The following NBEA variants were observed in gnomAD, a reference collection of about 807,000 sequenced individuals.
The protein encoded by NBEA is lysosomal-trafficking regulator 2.
A neutral mutation model predicts 343.4 loss-of-function variants in NBEA; 44 were observed. That is an observed-to-expected ratio of 0.13 (90% CI 0.10 to 0.16). NBEA has a LOEUF of 0.16. Ranked by LOEUF, NBEA falls within the 10% of genes least tolerant of loss-of-function variation. The pLI is 1.00. For missense variants in NBEA, 2,555 were observed against 3,631.3 expected (o/e 0.70, Z 7.62); for synonymous variants, 1,175 against 1,238.7 (o/e 0.95, Z 1.08).
chr13:34,944,358 A>G (rs1196131143), intron 1 of NBEA, among the ~76,000 whole-genome samples: 1 of 152,268 alleles, frequency 6.6e-6, no homozygotes, highest in Non-Finnish European at 1.5e-5. Context: ...TGAGACATGC[A>G]TTAGATAATG....
intron 13 of NBEA, among the ~76,000 whole-genome samples, chr13:35,115,333 T>TA (rs2066441030): frequency 1.3e-5 from 2 of 152,064 alleles, no homozygotes; most frequent in Admixed American, 1.3e-4. Flanking sequence ...AAACAAGTTA[T>TA]AATTATAAAT....
At chr13:35,442,893 T>G (rs995743531) in intron 39 of NBEA, among the ~76,000 whole-genome samples, 1 of 152,102 alleles carries the variant, frequency 6.6e-6, no homozygotes, top group Non-Finnish European at 1.5e-5. Context: ...GTTCACATAA[T>G]CAGAGTATAT....
intron 10 of NBEA, among the ~76,000 whole-genome samples, chr13:35,077,387 G>C (rs2064166622): frequency 6.6e-6 from 1 of 151,964 alleles, no homozygotes; most frequent in Admixed American, 6.6e-5. Context: ...TATTGCTTTT[G>C]ATTTTCTAAT....
intron 41 of NBEA, among the ~76,000 whole-genome samples, chr13:35,478,546 C>G (rs1566195184): frequency 6.6e-6 from 1 of 152,254 alleles, no homozygotes; most frequent in African/African-American, 2.4e-5. Context: ...TCCGCATTCC[C>G]GTGCCCTCTT....
rs566511824 is a variant in NBEA at position 35,275,394 on chromosome 13, A to G, written c.5777-14995A>G. On this transcript the variant is annotated intron_variant, in intron 34 of 58. Transcript: ENST00000379939. ...CTTAAAATGTAAGACCTAACACCAT[A>G]AAAACCCTGGAAGAAAACATAGGCA... 1.6e-3 allele frequency among the ~76,000 whole-genome samples: 249 copies of G among 152,340 alleles called. 1 individual carries two copies. Among genetic ancestry groups the G allele is most frequent in the African/African-American group, 5.8e-3 (241 of 41,576 alleles).
intron 38 of NBEA, among the ~76,000 whole-genome samples, chr13:35,372,464 C>T (rs1404929102): frequency 1.3e-5 from 2 of 152,150 alleles, no homozygotes; most frequent in Admixed American, 6.5e-5. Flanking sequence ...AGATCCAGGC[C>T]AGCAGGACCT....
chr13:35,355,294 A>G (rs2040429773), intron 38 of NBEA, among the ~76,000 whole-genome samples: 1 of 152,144 alleles, frequency 6.6e-6, no homozygotes, highest in African/African-American at 2.4e-5. Context: ...CCTAAAGTCC[A>G]TTCTCAGCGC....
intron 38 of NBEA, among the ~76,000 whole-genome samples, chr13:35,409,820 A>G (rs909598540): frequency 1.3e-5 from 2 of 152,166 alleles, no homozygotes; most frequent in African/African-American, 4.8e-5. Flanking sequence ...TCAGTAAAAG[A>G]AACACATACT....
At chr13:35,282,327 A>G (rs73489561) in intron 34 of NBEA, among the ~76,000 whole-genome samples, 10,275 of 152,210 alleles carry the variant, frequency 0.068, 747 homozygotes, top group East Asian at 0.17. Flanking sequence ...GATTATTAAT[A>G]TTTCTTGAAA....
intron 31 of NBEA, among the ~76,000 whole-genome samples, chr13:35,204,982 T>C (rs1331211830): frequency 6.6e-6 from 1 of 152,166 alleles, no homozygotes; most frequent in Non-Finnish European, 1.5e-5. Context: ...AAATTTTTAC[T>C]CTCATATATG....
chr13:35,389,409 C>T (rs891275709), intron 38 of NBEA, among the ~76,000 whole-genome samples: 2 of 152,086 alleles, frequency 1.3e-5, no homozygotes, highest in African/African-American at 4.8e-5. Context: ...CATGTCTAAT[C>T]AAATCCTTTA....
At chr13:35,614,865 C>G (rs547773229) in intron 48 of NBEA, among the ~76,000 whole-genome samples, 14 of 152,168 alleles carry the variant, frequency 9.2e-5, no homozygotes, top group African/African-American at 3.1e-4. Flanking sequence ...TAATCTTAGC[C>G]ACCTTACCCC....
At chr13:35,574,057 C>A (rs2080586252) in intron 45 of NBEA, among the ~76,000 whole-genome samples, 1 of 152,122 alleles carries the variant, frequency 6.6e-6, no homozygotes, top group Admixed American at 6.5e-5. Context: ...AAAGTATTTA[C>A]TTTTCACTAA....
intron 44 of NBEA, among the ~76,000 whole-genome samples, chr13:35,565,585 A>G (rs1259628640): frequency 9.9e-5 from 15 of 152,202 alleles, no homozygotes; most frequent in Non-Finnish European, 1.5e-5. Flanking sequence ...TTTTAATGGA[A>G]ATTTAGAAAA....
At chr13:35,496,967 A>G (rs1184442652) in intron 41 of NBEA, among the ~76,000 whole-genome samples, 6 of 152,192 alleles carry the variant, frequency 3.9e-5, no homozygotes, top group South Asian at 2.1e-4. Context: ...AACTTTATCA[A>G]ATCTAAAGAA....
chr13:35,373,240 T>C (rs576087786), intron 38 of NBEA, among the ~76,000 whole-genome samples: 4 of 152,268 alleles, frequency 2.6e-5, no homozygotes, highest in Admixed American at 1.3e-4. Flanking sequence ...TTAGATGATC[T>C]GTTGGAAGTG....
At chr13:35,144,641 T>C (rs543608839) in intron 18 of NBEA, among the ~76,000 whole-genome samples, 2 of 152,274 alleles carry the variant, frequency 1.3e-5, no homozygotes, top group Non-Finnish European at 1.5e-5. Flanking sequence ...GAGATGTCCA[T>C]CTCTTATTCT....
At chr13:35,423,467 C>A (rs904268481) in intron 38 of NBEA, among the ~76,000 whole-genome samples, 2 of 151,974 alleles carry the variant, frequency 1.3e-5, no homozygotes, top group African/African-American at 2.4e-5. Context: ...TGTAGATATG[C>A]GTCATTATTT....
At position 35,035,358 on chromosome 13, in the gene NBEA, G is replaced by A. The variant is rs572371123; in HGVS notation, c.295-5575G>A. On this transcript the variant is annotated intron_variant, in intron 1 of 58. Transcript: ENST00000379939. ...CTCTTGATGTTTCTAGTTTTATTCCGTTGTTGTCAGAGAAGAGCTTTATAT... is the reference window on the plus strand; with the variant it reads ...CTCTTGATGTTTCTAGTTTTATTCCATTGTTGTCAGAGAAGAGCTTTATAT... Among the ~76,000 whole-genome samples the A allele has an allele frequency of 7.1e-4, 107 of 151,668 alleles. 1 individual carries two copies. The highest frequency in any genetic ancestry group is 2.5e-3 in the African/African-American group (103 of 41,460).
Sources: allele counts gnomAD v4.1 joint callset (sites outside exome capture counted in the v4.1 genomes callset), GRCh38; gene constraint gnomAD v4.1.1; transcripts MANE v1.5; gene names NCBI Gene and HGNC (gene_info 2026-07-23, HGNC 2026-07-21).